The following DNHD1 variants were observed in gnomAD, a reference collection of about 807,000 sequenced individuals.
DNHD1 encodes dynein heavy chain domain 1, also known as dynein heavy chain domain-containing protein 1.
A neutral mutation model predicts 458.1 loss-of-function variants in DNHD1; 383 were observed. The ratio of observed to expected loss-of-function variants is 0.84; its 90% confidence interval spans 0.77 to 0.91. The LOEUF is 0.91. DNHD1 is among the 40% of genes least tolerant of loss of function. The probability of loss-of-function intolerance (pLI) is 0.00; values close to 1 mark genes in which losing one functional copy is unlikely to be tolerated. For missense variants in DNHD1, 5,336 were observed against 5,866.1 expected (o/e 0.91, Z 2.95); for synonymous variants, 2,203 against 2,376.9 (o/e 0.93, Z 2.13).
chr11:6,520,304 C>T lies in DNHD1; in HGVS notation c.1837+15C>T, dbSNP rs1852580174. 3.9e-6 allele frequency: 6 copies of T among 1,551,512 alleles called. No individual in the cohort carries two copies. The highest frequency in any genetic ancestry group is 5.2e-6 in the Non-Finnish European group (6 of 1,146,970). Reference sequence around the variant, plus strand: ...GTATTCTGAAGGTATTTAGGGAGACCTAGGCAGGGGGTAGGAAGGCTGAAG... The same window carrying T: ...GTATTCTGAAGGTATTTAGGGAGACTTAGGCAGGGGGTAGGAAGGCTGAAG... On this transcript the variant is annotated intron_variant, in intron 10 of 42. Transcript: ENST00000254579.
intron 7 of DNHD1, among the ~76,000 whole-genome samples, chr11:6,511,669 G>A (rs907959840): frequency 1.2e-4 from 18 of 152,220 alleles, no homozygotes; most frequent in Admixed American, 4.6e-4. Context: ...CTAGGAGCAG[G>A]GAGGAGAAGG....
In DNHD1 at chr11:6,544,835, T is replaced by TGC; in HGVS notation, c.3899_3900dup (p.Ile1301AlafsTer4). Reference sequence around the variant, plus strand: ...ATGGATGACCAGTATCGAACCCTGATGCGCATCTCTGTAGCTGACCCCATG... The same window carrying TGC: ...ATGGATGACCAGTATCGAACCCTGATGCGCGCATCTCTGTAGCTGACCCCATG... On this transcript the variant is annotated frameshift_variant, in exon 21 of 43. Coordinates refer to ENST00000254579, the MANE Select transcript of DNHD1 (RefSeq NM_144666.3). The TGC allele has an allele frequency of 6.4e-7, 1 of 1,551,710 alleles. No homozygotes were observed. Among genetic ancestry groups the TGC allele is most frequent in the Non-Finnish European group, 8.7e-7 (1 of 1,146,988 alleles).
At chr11:6,503,821 T>C (rs1852182601) in intron 4 of DNHD1, 1 of 152,178 alleles carries the variant, frequency 6.6e-6, no homozygotes, top group Non-Finnish European at 1.5e-5. Context: ...GTCCATCTCC[T>C]CCCAGAAATA....
At chr11:6,568,023 G>T in intron 36 of DNHD1, 33 bp from the exon 37 acceptor site, 1 of 1,533,876 alleles carries the variant, frequency 6.5e-7, no homozygotes, top group Non-Finnish European at 8.8e-7. Flanking sequence ...GGATCACTTT[G>T]AGTCATGCTG....
At chr11:6,565,474 T>C (rs1240608083) in intron 32 of DNHD1, among the ~76,000 whole-genome samples, 1 of 152,240 alleles carries the variant, frequency 6.6e-6, no homozygotes, top group Non-Finnish European at 1.5e-5. Context: ...GTGTTTTCTA[T>C]GTATCATTTC....
Position 6,533,894 on chromosome 11 carries a change from C to T in DNHD1, c.2719C>T (p.Gln907Ter). Residue 907 changes from glutamine to a stop codon, truncating the protein, a stop_gained, in exon 14 of 43, where the codon CAG (glutamine) becomes TAG (stop). Coordinates refer to ENST00000254579, the MANE Select transcript of DNHD1 (RefSeq NM_144666.3). LOFTEE classifies it high-confidence loss of function. ...HLLHCPLLAP[Q>*]LLDMWEAFQF... ...ACTCCACTGCCCTCTGCTTGCCCCACAGCTTCTGGATATGTGGGAGGCATT... is the reference window on the plus strand; with the variant it reads ...ACTCCACTGCCCTCTGCTTGCCCCATAGCTTCTGGATATGTGGGAGGCATT... The T allele has an allele frequency of 6.4e-7, 1 of 1,551,274 alleles. No individual in the cohort carries two copies. Among genetic ancestry groups the T allele is most frequent in the Non-Finnish European group, 8.7e-7 (1 of 1,146,902 alleles).
At chr11:6,500,324 A>G (rs12281047) in intron 3 of DNHD1, among the ~76,000 whole-genome samples, 41,366 of 152,162 alleles carry the variant, frequency 0.27, 6,207 homozygotes, top group Non-Finnish European at 0.34. Context: ...TTTCTAGACA[A>G]TGCTTTGCAG....
intron 7 of DNHD1, among the ~76,000 whole-genome samples, chr11:6,512,843 ACGTCTTTACACAAAGAG>A (rs1448536382): frequency 6.6e-6 from 1 of 152,086 alleles, no homozygotes; most frequent in Non-Finnish European, 1.5e-5. Flanking sequence ...ATATTATTGA[ACGTCTTTACACAAAGAG>A]CCTCTGCATT....
In DNHD1 at chr11:6,564,584, C is replaced by T; in HGVS notation, c.10536C>T (p.Ser3512=). 3.2e-6 allele frequency: 5 copies of T among 1,551,714 alleles called. No homozygotes were observed. Among genetic ancestry groups the T allele is most frequent in the South Asian group, 2.4e-5 (2 of 84,064 alleles). ...CACACTCTCCCTTCAGTATTCTGTC[C>T]TTGCTGAGCTCTGAATCGGAGCAGT... ...LATHSPFSIL[S]LLSSESEQYQ... is the part of the protein sequence containing the mutation. Residue 3512 remains serine, a synonymous_variant, in exon 32 of 43, where the codon TCC becomes TCT. Coordinates refer to ENST00000254579, the MANE Select transcript of DNHD1 (RefSeq NM_144666.3).
At position 6,534,111 on chromosome 11, in the gene DNHD1, G is replaced by A. The variant is rs150883198; in HGVS notation, c.2936G>A (p.Arg979His). The change falls in exon 14 of 43, where the codon CGT becomes CAT. Residue 979 changes from arginine (R) to histidine (H), a missense_variant. Coordinates refer to ENST00000254579, the MANE Select transcript of DNHD1 (RefSeq NM_144666.3). The part of the protein sequence containing the change: ...STEHQLVSLE[R>H]QFQNTVSDLS... The stretch of plus-strand genomic sequence containing the variant: ...GAGCACCAGCTCGTCTCCCTAGAGC[G>A]TCAGTTCCAGAACACAGTCAGCGAC... 6.2e-4 allele frequency: 965 copies of A among 1,551,354 alleles called. 5 individuals are homozygous for A. The African/African-American group carries it at 0.011, about 18-fold the overall frequency.
At chr11:6,499,091 A>T in intron 3 of DNHD1, 130 bp downstream of exon 3, 1 of 1,053,778 alleles carries the variant, frequency 9.5e-7, no homozygotes, top group Non-Finnish European at 1.3e-6. Context: ...AACTCCACAC[A>T]AAGCTAGTGT....
Position 6,563,090 on chromosome 11 carries a change from C to T in DNHD1, c.9628C>T (p.Arg3210Trp), listed in dbSNP as rs1056208907. ...CCTCATTGAGAACCTGGCCAGGCAA[C>T]GGGATGCCCTGCAAGCTCAGCGAGA... is the stretch of plus-strand genomic sequence containing the variant. The part of the protein sequence containing the change: ...ENLIENLARQ[R>W]DALQAQREAF... Residue 3210 changes from arginine to tryptophan, a missense_variant, in exon 29 of 43, where the codon CGG (arginine) becomes TGG (tryptophan). Physicochemically the swap from Arg to Trp is moderately radical, Grantham distance 101 (BLOSUM62 -3). This residue lies in a region of DNHD1 where 3,932 missense variants were observed against 4,365.6 expected (regional missense o/e 0.90). Coordinates refer to ENST00000254579, the MANE Select transcript of DNHD1 (RefSeq NM_144666.3). 11 of 1,551,518 alleles carry T rather than the reference C, an allele frequency of 7.1e-6. No homozygotes were observed. The highest frequency in any genetic ancestry group is 1.2e-5 in the South Asian group (1 of 84,060).
intron 12 of DNHD1, among the ~76,000 whole-genome samples, chr11:6,529,918 A>C (rs1852792354): frequency 6.6e-6 from 1 of 151,888 alleles, no homozygotes; most frequent in Middle Eastern, 3.2e-3. Context: ...GTTTTAGTGA[A>C]TCCTTCATCC....
intron 12 of DNHD1, among the ~76,000 whole-genome samples, chr11:6,530,271 A>G (rs1028394998): frequency 6.6e-6 from 1 of 152,006 alleles, no homozygotes; most frequent in Non-Finnish European, 1.5e-5. Flanking sequence ...TGCCACTTCT[A>G]CCCCTGCTAA....
intron 28 of DNHD1, among the ~76,000 whole-genome samples, chr11:6,562,184 G>A (rs572114111): frequency 6.6e-6 from 1 of 152,274 alleles, no homozygotes; most frequent in African/African-American, 2.4e-5. Context: ...AGATGGGCTG[G>A]ATTTGGGGGG....
chr11:6,529,257 C>G lies in DNHD1; in HGVS notation c.2347+136C>G, dbSNP rs1043529675. ...TGGACCTATGAAGCCTTCCAAAGCCCGAGGTCCCAGGCCCTTTCCTTTGCC... is the reference window on the plus strand; with the variant it reads ...TGGACCTATGAAGCCTTCCAAAGCCGGAGGTCCCAGGCCCTTTCCTTTGCC... On this transcript the variant is annotated intron_variant, in intron 12 of 42. Coordinates refer to ENST00000254579, the MANE Select transcript of DNHD1 (RefSeq NM_144666.3). 1.2e-5 allele frequency: 12 copies of G among 972,310 alleles called. No homozygotes were observed. The South Asian group carries it at 2.1e-4, about 17-fold the overall frequency. The allele number at this position is 972,310 out of a possible 1,614,324, so 60.2% of individuals were successfully genotyped here.
Position 6,519,596 on chromosome 11 carries a change from A to C in DNHD1, c.1393-4A>C. The C allele has an allele frequency of 6.2e-7, 1 of 1,614,042 alleles. No individual in the cohort carries two copies. Among genetic ancestry groups the C allele is most frequent in the Non-Finnish European group, 8.5e-7 (1 of 1,179,994 alleles). ...TCTGGTGAGTTTCCACTCTATGCTC[A>C]CAGGTTCACGAGGACACATACCACA... On this transcript the variant is annotated splice_polypyrimidine_tract_variant and splice_region_variant and intron_variant, in intron 7 of 42. Transcript: ENST00000254579.
intron 3 of DNHD1, among the ~76,000 whole-genome samples, chr11:6,499,997 C>T (rs954477485): frequency 3.4e-5 from 5 of 148,406 alleles, no homozygotes; most frequent in African/African-American, 4.9e-5. Context: ...CAGAGTCTCA[C>T]TCTGTCGCCC....
At position 6,568,858 on chromosome 11, in the gene DNHD1, G is replaced by C. The variant is rs1387922830; in HGVS notation, c.12855G>C (p.Arg4285Ser). The C allele has an allele frequency of 6.2e-7, 1 of 1,609,194 alleles. No individual in the cohort carries two copies. The highest frequency in any genetic ancestry group is 1.1e-5 in the South Asian group (1 of 89,792). ...ATGGAACAAGGCTGCAGGCACACAG[G>C]GGGCGCTGGTGAGGGACCCCCACCC... ...QLYGTRLQAHRGRWSQVTLTQ... is the reference protein window; with the variant it reads ...QLYGTRLQAHSGRWSQVTLTQ... The change falls in exon 39 of 43, where the codon AGG becomes AGC. Residue 4285 changes from arginine (R) to serine (S), a missense_variant. Around this residue, in one of 4 missense-constraint regions of DNHD1, gnomAD observed 698 missense variants for 664.9 expected, o/e 1.05. Coordinates refer to ENST00000254579, the MANE Select transcript of DNHD1 (RefSeq NM_144666.3).
Sources: allele counts gnomAD v4.1 joint callset (sites outside exome capture counted in the v4.1 genomes callset), GRCh38; gene constraint gnomAD v4.1.1; regional missense constraint gnomAD v4.1.1; transcripts MANE v1.5; gene names NCBI Gene and HGNC (gene_info 2026-07-23, HGNC 2026-07-21).